MXI1: variants seen among roughly 807,000 people sequenced by gnomAD.
MXI1 encodes the protein MAX interactor 1, dimerization protein.
In MXI1, 18 loss-of-function variants were observed where a neutral mutation model predicts 36.9. That is an observed-to-expected ratio of 0.49 (90% CI 0.34 to 0.72). The LOEUF (loss-of-function observed/expected upper bound fraction) is 0.72. Among genes scored for constraint, MXI1 ranks in the 30% least tolerant of loss-of-function variants. The probability of loss-of-function intolerance (pLI) is 0.01; values close to 1 mark genes in which losing one functional copy is unlikely to be tolerated. For missense variants in MXI1, 304 were observed against 379.1 expected (o/e 0.80, Z 1.64); for synonymous variants, 160 against 146.7 (o/e 1.09, Z -0.65).
At chr10:110,283,635 A>C (rs1401012522) in intron 5 of MXI1, among the ~76,000 whole-genome samples, 1 of 151,896 alleles carries the variant, frequency 6.6e-6, no homozygotes, top group Non-Finnish European at 1.5e-5. Flanking sequence ...CAGGCTTTGA[A>C]TTTAAGTAAG....
At chr10:110,245,931 T>G (rs1855846204) in intron 3 of MXI1, 1 of 152,090 alleles carries the variant, frequency 6.6e-6, no homozygotes, top group South Asian at 2.1e-4. Context: ...TTAGATGATA[T>G]TACTGTTAAT....
chr10:110,210,349 C>A (rs1321339734), intron 1 of MXI1: 16 of 933,908 alleles, frequency 1.7e-5, no homozygotes, highest in Non-Finnish European at 2.0e-5. Context: ...CGCAGCCCCC[C>A]TCCTCCGGCC....
intron 3 of MXI1, among the ~76,000 whole-genome samples, chr10:110,250,176 A>C (rs1487175858): frequency 6.6e-6 from 1 of 152,096 alleles, no homozygotes; most frequent in Non-Finnish European, 1.5e-5. Context: ...TTGGGAGCTG[A>C]TATCTGCCCA....
intron 3 of MXI1, among the ~76,000 whole-genome samples, chr10:110,262,821 A>G (rs1292497862): frequency 6.6e-6 from 1 of 152,138 alleles, no homozygotes; most frequent in African/African-American, 2.4e-5. Context: ...TTCGCAGACC[A>G]GAGTTTTTTA....
intron 2 of MXI1, among the ~76,000 whole-genome samples, chr10:110,235,690 AAAATAAAT>A (rs60672702): frequency 1.3e-5 from 2 of 149,084 alleles, no homozygotes; most frequent in African/African-American, 5.0e-5. Flanking sequence ...TCTGTCTCAA[AAAATAAAT>A]AAATAAATAA....
intron 3 of MXI1, among the ~76,000 whole-genome samples, chr10:110,252,914 A>G (rs1303043809): frequency 2.0e-5 from 3 of 152,166 alleles, no homozygotes; most frequent in East Asian, 3.8e-4. Flanking sequence ...AGAAAACTTG[A>G]TAAGTAAGAA....
intron 3 of MXI1, among the ~76,000 whole-genome samples, chr10:110,260,156 G>A (rs1183362212): frequency 6.6e-6 from 1 of 152,020 alleles, no homozygotes; most frequent in Non-Finnish European, 1.5e-5. Context: ...GCATTGACAT[G>A]AGTATCGTAC....
intron 3 of MXI1, among the ~76,000 whole-genome samples, chr10:110,259,964 C>T (rs373299413): frequency 2.6e-5 from 4 of 152,092 alleles, no homozygotes; most frequent in Non-Finnish European, 1.5e-5. Context: ...CTTATACTCA[C>T]ATCTTCTAAA....
chr10:110,279,100 T>C (rs961492804), intron 3 of MXI1, 80 bp from the exon 4 acceptor site: 7 of 1,093,292 alleles, frequency 6.4e-6, no homozygotes, highest in Non-Finnish European at 9.6e-6. Flanking sequence ...ATGCAAATTA[T>C]TGTTTATCTT....
intron 1 of MXI1, among the ~76,000 whole-genome samples, chr10:110,217,283 T>G (rs192045527): frequency 1.3e-5 from 2 of 152,308 alleles, no homozygotes; most frequent in Non-Finnish European, 2.9e-5. Flanking sequence ...ATTGAGAAAT[T>G]CAAACTGAAG....
At chr10:110,251,196 T>A (rs1856072169) in intron 3 of MXI1, among the ~76,000 whole-genome samples, 1 of 151,836 alleles carries the variant, frequency 6.6e-6, no homozygotes, top group Admixed American at 6.6e-5. Flanking sequence ...GCAGAAAGTT[T>A]GAGTCAAAGT....
intron 3 of MXI1, among the ~76,000 whole-genome samples, chr10:110,265,264 CTCT>C (rs1296300974): frequency 1.3e-5 from 2 of 152,190 alleles, no homozygotes; most frequent in Non-Finnish European, 2.9e-5. Flanking sequence ...CTCTCTCTGA[CTCT>C]TCTTCCTCAC....
At chr10:110,271,091 CAA>C (rs10683812) in intron 3 of MXI1, among the ~76,000 whole-genome samples, 4 of 130,402 alleles carry the variant, frequency 3.1e-5, no homozygotes, top group South Asian at 2.5e-4. Context: ...AACTACGTCT[CAA>C]AAAAAAAAAA....
intron 3 of MXI1, among the ~76,000 whole-genome samples, chr10:110,265,053 C>G (rs1158702777): frequency 1.3e-5 from 2 of 151,974 alleles, no homozygotes; most frequent in Non-Finnish European, 2.9e-5. Flanking sequence ...AGCTGGAGCT[C>G]AAATATATGT....
intron 1 of MXI1, among the ~76,000 whole-genome samples, chr10:110,209,302 C>A (rs538839265): frequency 1.3e-5 from 2 of 151,876 alleles, no homozygotes; most frequent in South Asian, 4.2e-4. Flanking sequence ...ATCAATGAGG[C>A]GCGAGTGTGT....
chr10:110,208,126 C>G (rs1367721316), intron 1 of MXI1, 44 bp downstream of exon 1: 1 of 1,554,444 alleles, frequency 6.4e-7, no homozygotes, highest in East Asian at 2.6e-5. Flanking sequence ...CCGGTTCTTT[C>G]TTTCTCGCCC....
Position 110,285,482 on chromosome 10 carries a change from G to T in MXI1, c.*495G>T, listed in dbSNP as rs1392415862. 2 of 152,242 alleles carry T rather than the reference G, an allele frequency of 1.3e-5. No homozygotes were observed. The highest frequency in any genetic ancestry group is 2.9e-5 in the Non-Finnish European group (2 of 68,036). The allele number at this position is 152,242 out of a possible 1,614,324, so 9.4% of individuals were successfully genotyped here. ...ATAATGAGCTATTAAAACTCAGCCT[G>T]GGACAGTTTATCATGAAGCCTGTGG... On this transcript the variant is annotated 3_prime_UTR_variant, in exon 6 of 6. Transcript: ENST00000332674.
At chr10:110,228,082 T>A in intron 1 of MXI1, 107 bp from the exon 2 acceptor site, 1 of 1,291,690 alleles carries the variant, frequency 7.7e-7, no homozygotes, top group Non-Finnish European at 1.1e-6. Flanking sequence ...ATTTTACCTC[T>A]TTTCCTGCTT....
rs1590420590 is a variant in MXI1 at position 110,286,923 on chromosome 10, C to G, written c.*1936C>G. ...TAATGAAAAACAGGACAAAACAATTCCTTTTTGTGGCCCAGGTAAATTATT... is the reference window on the plus strand; with the variant it reads ...TAATGAAAAACAGGACAAAACAATTGCTTTTTGTGGCCCAGGTAAATTATT... On this transcript the variant is annotated 3_prime_UTR_variant, in exon 6 of 6. Transcript: ENST00000332674. 6.6e-6 allele frequency: 1 copy of G among 152,144 alleles called. No individual in the cohort carries two copies. The highest frequency in any genetic ancestry group is 1.5e-5 in the Non-Finnish European group (1 of 68,030). 9.4% of individuals were successfully genotyped at this position (152,144 alleles called of 1,614,324 possible).
Sources: gnomAD v4.1 joint callset for allele counts (sites outside exome capture counted in the v4.1 genomes callset) on GRCh38, gnomAD v4.1.1 for gene constraint, MANE v1.5 for transcripts, NCBI Gene and HGNC (gene_info 2026-07-23, HGNC 2026-07-21) for gene names.